ACACA: variants seen among roughly 807,000 people sequenced by gnomAD.
ACACA encodes the protein acetyl-CoA carboxylase 1.
A neutral mutation model predicts 296.1 loss-of-function variants in ACACA; 103 were observed. That is an observed-to-expected ratio of 0.35 (90% CI 0.30 to 0.41). ACACA has a LOEUF of 0.41. Ranked by LOEUF, ACACA falls within the 10% of genes least tolerant of loss-of-function variation. The pLI is 1.00. For missense variants in ACACA, 1,554 were observed against 2,989.7 expected, an observed-to-expected ratio of 0.52 and a Z score of 11.20; for synonymous variants, 953 against 1,038.6, an observed-to-expected ratio of 0.92 and a Z score of 1.58.
At chr17:37,309,315 G>A (rs2084024604) in intron 3 of ACACA, among the ~76,000 whole-genome samples, 1 of 152,130 alleles carries the variant, frequency 6.6e-6, no homozygotes, top group Non-Finnish European at 1.5e-5. Context: ...CATGAGCCAC[G>A]ATGCCTGGCT....
At chr17:37,252,838 A>T (rs1425002322) in intron 15 of ACACA, 48 bp downstream of exon 15, 1 of 1,607,936 alleles carries the variant, frequency 6.2e-7, no homozygotes, top group Admixed American at 1.7e-5. Flanking sequence ...TGAGTACACA[A>T]GTCTATAAAA....
chr17:37,318,749 T>C (rs1403619734), intron 3 of ACACA, among the ~76,000 whole-genome samples: 1 of 152,128 alleles, frequency 6.6e-6, no homozygotes, highest in African/African-American at 2.4e-5. Flanking sequence ...ATATGGCACA[T>C]TTTACTATTC....
chr17:37,117,010 A>T (rs959228200), intron 50 of ACACA, among the ~76,000 whole-genome samples: 2 of 152,202 alleles, frequency 1.3e-5, no homozygotes, highest in African/African-American at 4.8e-5. Flanking sequence ...TGGGCAAAGC[A>T]CATCTGCATG....
Position 37,274,229 on chromosome 17 carries a change from T to G in ACACA, c.972A>C (p.Glu324Asp). The change falls in exon 9 of 56, where the codon GAA becomes GAC. Residue 324 changes from glutamate to aspartate, a missense_variant. Transcript: ENST00000616317. ...CATCCACATCTTTCACATAACCTTTTTCATATAGCTCCTGGGGAACATTTA... is the reference window on the plus strand; with the variant it reads ...CATCCACATCTTTCACATAACCTTTGTCATATAGCTCCTGGGGAACATTTA... ...RILNVPQELY[E>D]KGYVKDVDDG... The G allele has an allele frequency of 6.2e-7, 1 of 1,614,186 alleles. No homozygotes were observed. Among genetic ancestry groups the G allele is most frequent in the Non-Finnish European group, 8.5e-7 (1 of 1,180,012 alleles).
intron 29 of ACACA, among the ~76,000 whole-genome samples, chr17:37,219,229 T>C (rs1456535971): frequency 6.6e-6 from 1 of 152,168 alleles, no homozygotes; most frequent in Non-Finnish European, 1.5e-5. Flanking sequence ...ATGGAGCTTC[T>C]TGGTTGGTGA....
At chr17:37,406,157 A>G (rs2051497137) in intron 1 of ACACA, 105 bp downstream of exon 1, 1 of 1,293,806 alleles carries the variant, frequency 7.7e-7, no homozygotes. Context: ...ATGAGACCGT[A>G]TGTGTAACCT....
intron 52 of ACACA, among the ~76,000 whole-genome samples, chr17:37,103,145 CCT>C (rs1375162793): frequency 6.6e-6 from 1 of 152,154 alleles, no homozygotes; most frequent in Non-Finnish European, 1.5e-5. Context: ...ACCGAGGGCC[CCT>C]CTCTCCTTGT....
At chr17:37,250,569 C>T (rs374164638) in intron 16 of ACACA, among the ~76,000 whole-genome samples, 1 of 151,678 alleles carries the variant, frequency 6.6e-6, no homozygotes, top group Non-Finnish European at 1.5e-5. Context: ...ACCCAGGAGG[C>T]GAAGGTTACA....
chr17:37,174,359 G>C (rs1459179699), intron 41 of ACACA, among the ~76,000 whole-genome samples: 1 of 151,870 alleles, frequency 6.6e-6, no homozygotes. Context: ...CAGTGAATCT[G>C]CCTCAACAAA....
At chr17:37,261,228 AC>A (rs1436406553) in intron 11 of ACACA, among the ~76,000 whole-genome samples, 3 of 152,164 alleles carry the variant, frequency 2.0e-5, no homozygotes, top group African/African-American at 7.2e-5. Context: ...TGAGATTATC[AC>A]CCTGAAGCAA....
intron 39 of ACACA, 84 bp from the exon 40 acceptor site, chr17:37,181,440 A>G: frequency 6.8e-7 from 1 of 1,477,550 alleles, no homozygotes; most frequent in South Asian, 1.1e-5. Context: ...TTGCACAAAT[A>G]TTATCTCTTT....
At chr17:37,351,994 A>C (rs547438291) in intron 1 of ACACA, among the ~76,000 whole-genome samples, 1 of 148,716 alleles carries the variant, frequency 6.7e-6, no homozygotes, top group African/African-American at 2.5e-5. Context: ...GCAGCGGCGC[A>C]ATCTCGGCTC....
At chr17:37,156,329 C>G (rs1446660937) in intron 42 of ACACA, among the ~76,000 whole-genome samples, 7 of 152,126 alleles carry the variant, frequency 4.6e-5, no homozygotes, top group African/African-American at 1.4e-4. Flanking sequence ...TCCCAAAGTG[C>G]TGGGATTAAA....
At position 37,192,215 on chromosome 17, in the gene ACACA, T is replaced by A; in HGVS notation, c.4291A>T (p.Ile1431Phe). 1 of 1,614,062 alleles carries A rather than the reference T, an allele frequency of 6.2e-7. No homozygotes were observed. The highest frequency in any genetic ancestry group is 8.5e-7 in the Non-Finnish European group (1 of 1,180,010). ...NRMRNFDLTA[I>F]PCANHKMHLY... is the part of the protein sequence containing the mutation. The stretch of plus-strand genomic sequence containing the variant: ...TGCATCTTGTGATTAGCACATGGAA[T>A]GGCAGTGAGGTCAAAATTTCTCATC... The change falls in exon 37 of 56, where the codon ATT becomes TTT. Residue 1431 changes from isoleucine to phenylalanine, a missense_variant. By Grantham distance (21) the Ile-to-Phe change is conservative. This residue lies in a region of ACACA where 179 missense variants were observed against 283.2 expected (regional missense o/e 0.63). Transcript: ENST00000616317.
In ACACA at chr17:37,404,829, C is replaced by T. The variant is rs184142737; in HGVS notation, c.38+1433G>A. Among the ~76,000 whole-genome samples, 280 of 152,134 alleles carry T rather than the reference C, an allele frequency of 1.8e-3. 2 individuals are homozygous for T. The highest frequency in any genetic ancestry group is 6.3e-3 in the African/African-American group (261 of 41,508). On this transcript the variant is annotated intron_variant, in intron 1 of 55. Transcript: ENST00000616317. ...CTAACCTCAAGTGATCCGCCTGCCTCGGCCTCCCAAAGTGATGGGATTACA... is the reference window on the plus strand; with the variant it reads ...CTAACCTCAAGTGATCCGCCTGCCTTGGCCTCCCAAAGTGATGGGATTACA...
rs570198012 is a variant in ACACA at position 37,137,213 on chromosome 17, A to T, written c.5680-6995T>A. On this transcript the variant is annotated intron_variant, in intron 45 of 55. Transcript: ENST00000616317. Reference sequence around the variant, plus strand: ...TATTTTCTAAAGATGGAAAACTTTTAAAAAAATCCCTGTTTGTCAGTCGCC... The same window carrying T: ...TATTTTCTAAAGATGGAAAACTTTTTAAAAAATCCCTGTTTGTCAGTCGCC... 2.0e-3 allele frequency among the ~76,000 whole-genome samples: 283 copies of T among 142,740 alleles called. 3 individuals carry two copies. The highest frequency in any genetic ancestry group is 0.016 in the South Asian group (76 of 4,806). 93.6% of individuals were successfully genotyped at this position (142,740 alleles called of 152,430 possible).
At position 37,330,315 on chromosome 17, in the gene ACACA, A is replaced by C; in HGVS notation, c.196T>G (p.Ser66Ala). The change falls in exon 3 of 56, where the codon TCA (serine) becomes GCA (alanine). Residue 66 changes from serine (S) to alanine (A), a missense_variant. Coordinates refer to ENST00000616317, the MANE Select transcript of ACACA (RefSeq NM_198834.3). ...ACCAGGTTGCTGATCTCATCCTCTGAGTTATCTTCAGACACAGAACCTATT... is the reference window on the plus strand; with the variant it reads ...ACCAGGTTGCTGATCTCATCCTCTGCGTTATCTTCAGACACAGAACCTATT... ...FIIGSVSEDN[S>A]EDEISNLVKL... 6.2e-7 allele frequency: 1 copy of C among 1,614,208 alleles called. No individual in the cohort carries two copies. The highest frequency in any genetic ancestry group is 8.5e-7 in the Non-Finnish European group (1 of 1,180,032).
intron 1 of ACACA, chr17:37,391,650 G>A (rs1453618650): frequency 6.2e-7 from 1 of 1,613,382 alleles, no homozygotes; most frequent in East Asian, 2.2e-5. Context: ...TCTCTAGGTT[G>A]GACAAGATGC....
intron 1 of ACACA, among the ~76,000 whole-genome samples, chr17:37,406,001 C>G (rs1353071600): frequency 6.6e-6 from 1 of 151,500 alleles, no homozygotes; most frequent in Non-Finnish European, 1.5e-5. Context: ...ATAGATGTAA[C>G]AGTTATATAG....
Sources: allele counts gnomAD v4.1 joint callset (sites outside exome capture counted in the v4.1 genomes callset), GRCh38; gene constraint gnomAD v4.1.1; regional missense constraint gnomAD v4.1.1; transcripts MANE v1.5; gene names NCBI Gene and HGNC (gene_info 2026-07-23, HGNC 2026-07-21).